RGPD2: variants seen among roughly 807,000 people sequenced by gnomAD.
The protein encoded by RGPD2 is RANBP2-like and GRIP domain-containing protein 2.
Under a neutral mutation model 36.0 loss-of-function variants are expected in RGPD2, and 2 were observed. That is an observed-to-expected ratio of 0.06 (90% CI 0.02 to 0.17). The LOEUF is 0.17. RGPD2 is among the 10% of genes least tolerant of loss of function. RGPD2 has a pLI of 1.00. For missense variants in RGPD2, 40 were observed against 464.3 expected (o/e 0.09, Z 8.40); for synonymous variants, 19 against 163.8 (o/e 0.12, Z 6.75).
chr2:87,846,390 T>C, the RGPD2 span, among the ~76,000 whole-genome samples: 2 of 152,098 alleles, frequency 1.3e-5, no homozygotes, highest in African/African-American at 4.8e-5. Context: ...TCTCAATTAT[T>C]GAACAATTAG....
chr2:87,924,565 T>A, the RGPD2 span, among the ~76,000 whole-genome samples: 1 of 152,268 alleles, frequency 6.6e-6, no homozygotes. Context: ...TTAAGTTACA[T>A]GTCGTTTTCC....
At chr2:87,868,933 T>C in the RGPD2 span, among the ~76,000 whole-genome samples, 1 of 151,464 alleles carries the variant, frequency 6.6e-6, no homozygotes, top group Non-Finnish European at 1.5e-5. Flanking sequence ...TCCCCAACCC[T>C]AGATTATAAA....
At chr2:87,976,500 A>G in the RGPD2 span, among the ~76,000 whole-genome samples, 2 of 151,598 alleles carry the variant, frequency 1.3e-5, no homozygotes, top group Non-Finnish European at 3.0e-5. Flanking sequence ...AACTTATTCC[A>G]TTACTTTGCT....
the RGPD2 span, among the ~76,000 whole-genome samples, chr2:87,894,837 GA>G: frequency 7.6e-6 from 1 of 132,008 alleles, no homozygotes; most frequent in Non-Finnish European, 1.6e-5. Flanking sequence ...CTTTGTTGGT[GA>G]AACGTAGCAG....
the RGPD2 span, among the ~76,000 whole-genome samples, chr2:87,940,632 T>TTGTGTGTG: frequency 1.9e-3 from 243 of 130,932 alleles, 1 homozygote; most frequent in East Asian, 1.3e-3. Context: ...AATTTTCTGT[T>TTGTGTGTG]TGTGTGTGTG....
chr2:87,840,527 G>A, the RGPD2 span, among the ~76,000 whole-genome samples: 1 of 151,776 alleles, frequency 6.6e-6, no homozygotes, highest in Admixed American at 6.6e-5. Context: ...TACAAAACAT[G>A]GATGTATTTT....
chr2:87,986,836 C>T, the RGPD2 span, among the ~76,000 whole-genome samples: 5 of 150,332 alleles, frequency 3.3e-5, no homozygotes, highest in African/African-American at 4.9e-5. Context: ...GCCAAGATCA[C>T]GCCATTGCAC....
At chr2:87,921,166 T>C in the RGPD2 span, among the ~76,000 whole-genome samples, 1 of 151,646 alleles carries the variant, frequency 6.6e-6, no homozygotes, top group African/African-American at 2.4e-5. Context: ...TTAAATAGAC[T>C]CTATTGCTAT....
At chr2:87,875,297 T>C in the RGPD2 span, among the ~76,000 whole-genome samples, 10 of 152,340 alleles carry the variant, frequency 6.6e-5, no homozygotes, top group African/African-American at 2.4e-4. Context: ...GCAAGGGAAA[T>C]GCCTCTAGCT....
At chr2:87,885,561 A>G in the RGPD2 span, among the ~76,000 whole-genome samples, 4 of 150,778 alleles carry the variant, frequency 2.7e-5, no homozygotes, top group Admixed American at 2.7e-4. Flanking sequence ...AAGTAAAATT[A>G]TCTCTGTTTC....
At chr2:87,915,343 GTATATTATATATATTA>G in the RGPD2 span, among the ~76,000 whole-genome samples, 3 of 124,964 alleles carry the variant, frequency 2.4e-5, no homozygotes, top group African/African-American at 9.3e-5. Context: ...TATATATAAT[GTATATTATATATATTA>G]TATATATATG....
the RGPD2 span, chr2:87,985,706 A>G: frequency 1.3e-6 from 2 of 1,546,148 alleles, no homozygotes; most frequent in Admixed American, 3.4e-5. Flanking sequence ...ACTCATAAAG[A>G]AAACAATTGT....
the RGPD2 span, among the ~76,000 whole-genome samples, chr2:87,841,957 AC>A: frequency 2.1e-5 from 3 of 141,410 alleles, no homozygotes; most frequent in Non-Finnish European, 4.6e-5. Context: ...AAAGACAAAA[AC>A]CACATGATTA....
chr2:87,884,318 T>G, the RGPD2 span, among the ~76,000 whole-genome samples: 5 of 151,850 alleles, frequency 3.3e-5, no homozygotes, highest in Admixed American at 2.6e-4. Flanking sequence ...AGGGAGTGTA[T>G]AACAATTAAA....
At chr2:87,868,931 C>T in the RGPD2 span, among the ~76,000 whole-genome samples, 12 of 151,296 alleles carry the variant, frequency 7.9e-5, no homozygotes, top group Non-Finnish European at 1.3e-4. Context: ...CTTCCCCAAC[C>T]CTAGATTATA....
chr2:87,840,042 C>T, the RGPD2 span, among the ~76,000 whole-genome samples: 7 of 146,134 alleles, frequency 4.8e-5, no homozygotes, highest in East Asian at 1.4e-3. Context: ...TTAAGAGTAT[C>T]CCCTTCAAAG....
chr2:87,824,503 C>A (rs901174295), intron 1 of RGPD2, among the ~76,000 whole-genome samples: 8 of 151,866 alleles, frequency 5.3e-5, no homozygotes, highest in African/African-American at 1.9e-4. Flanking sequence ...ACAGCCACTG[C>A]CTCTTCTCCC....
intron 18 of RGPD2, among the ~76,000 whole-genome samples, chr2:87,785,813 A>G (rs1685581833): frequency 6.8e-6 from 1 of 147,356 alleles, no homozygotes; most frequent in Non-Finnish European, 1.5e-5. Context: ...AAAACTACCA[A>G]TAGTCATTTG....
At chr2:87,884,215 A>C in the RGPD2 span, among the ~76,000 whole-genome samples, 1 of 152,016 alleles carries the variant, frequency 6.6e-6, no homozygotes, top group Non-Finnish European at 1.5e-5. Flanking sequence ...CAAAGAATAA[A>C]CTAAACAGGA....
Sources: gnomAD v4.1 joint callset for allele counts (sites outside exome capture counted in the v4.1 genomes callset) on GRCh38, gnomAD v4.1.1 for gene constraint, MANE v1.5 for transcripts, NCBI Gene and HGNC (gene_info 2026-07-23, HGNC 2026-07-21) for gene names.